Variants in YTHDC2 observed in about 807,000 individuals in gnomAD.
YTHDC2 encodes the protein 3'-5' RNA helicase YTHDC2.
A neutral mutation model predicts 174.9 loss-of-function variants in YTHDC2; 45 were observed. The ratio of observed to expected loss-of-function variants is 0.26; its 90% CI spans 0.20 to 0.33. The LOEUF (loss-of-function observed/expected upper bound fraction) is 0.33, where lower values mean the gene tolerates loss of function less well. YTHDC2 is among the 10% of genes least tolerant of loss of function. The pLI, the probability that YTHDC2 is intolerant of heterozygous loss-of-function variation, is 1.00. For synonymous variants in YTHDC2, 657 were observed against 574.5 expected (o/e 1.14, Z -2.05); for missense variants, 1,650 against 1,723.7 (o/e 0.96, Z 0.76).
intron 23 of YTHDC2, among the ~76,000 whole-genome samples, chr5:113,569,381 C>A (rs544075092): frequency 6.6e-6 from 1 of 152,182 alleles, no homozygotes; most frequent in South Asian, 2.1e-4. Flanking sequence ...GCTTTTGCTG[C>A]AATTGCTTTT....
chr5:113,554,928 C>T lies in YTHDC2; in HGVS notation c.2133+906C>T, dbSNP rs533884436. Among the ~76,000 whole-genome samples the T allele has an allele frequency of 2.6e-5, 4 of 151,556 alleles. No individual in the cohort carries two copies. In the Middle Eastern group the frequency reaches 0.01, roughly 397 times the overall value. ...TATCTATTTAGTGGATAAAAATGAT[C>T]GTTTTTAATGTGAAAAAAGTAATTG... On this transcript the variant is annotated intron_variant, in intron 16 of 29. Transcript: ENST00000161863.
chr5:113,567,396 T>C, intron 22 of YTHDC2, 99 bp downstream of exon 22: 1 of 534,288 alleles, frequency 1.9e-6, no homozygotes, highest in Non-Finnish European at 2.7e-6. Flanking sequence ...CTTTAAGAAA[T>C]TAATTAGTTA....
chr5:113,561,952 TTGTGGGTGTGTGTGTGTGTGTGTGTG>T (rs1561675780), intron 18 of YTHDC2, among the ~76,000 whole-genome samples: 1 of 102,534 alleles, frequency 9.8e-6, no homozygotes, highest in East Asian at 2.3e-4. Context: ...CCTCTATTAA[TTGTGGGTGTGTGTGTGTGTGTGTGTG>T]TGTGTGTGTG....
intron 21 of YTHDC2, 93 bp downstream of exon 21, chr5:113,566,112 T>A: frequency 7.6e-7 from 1 of 1,314,950 alleles, no homozygotes. Context: ...TGCCATCTAT[T>A]ATTTTTATGA....
chr5:113,580,847 T>C (rs1209309652), intron 24 of YTHDC2, among the ~76,000 whole-genome samples: 1 of 152,234 alleles, frequency 6.6e-6, no homozygotes, highest in East Asian at 1.9e-4. Flanking sequence ...ATTCTTTCTC[T>C]GTAGTCAGTC....
At chr5:113,566,141 C>T in intron 21 of YTHDC2, 122 bp downstream of exon 21, 1 of 1,129,452 alleles carries the variant, frequency 8.9e-7, no homozygotes, top group Admixed American at 2.8e-5. Flanking sequence ...TGTTGTGTAT[C>T]TTATATTCAT....
chr5:113,567,569 T>G (rs1777430398), intron 22 of YTHDC2, 85 bp from the exon 23 acceptor site: 2 of 1,195,972 alleles, frequency 1.7e-6, no homozygotes, highest in Admixed American at 5.9e-5. Flanking sequence ...TCTATTTCAT[T>G]GAGAGACTTT....
At position 113,514,149 on chromosome 5, in the gene YTHDC2, G is replaced by A; in HGVS notation, c.187+67G>A. On this transcript the variant is annotated intron_variant, in intron 1 of 29. Coordinates refer to ENST00000161863, the MANE Select transcript of YTHDC2 (RefSeq NM_022828.5). ...CCCCTCACCCCAGCGCCCCCCAAAC[G>A]GCGGCCCACCGAGTGATGGGGGTGC... is the stretch of plus-strand genomic sequence containing the variant. 7 of 1,541,954 alleles carry A rather than the reference G, an allele frequency of 4.5e-6. No homozygotes were observed. In the South Asian group the frequency reaches 8.3e-5, roughly 18 times the overall value.
Position 113,593,227 on chromosome 5 carries a change from A to G in YTHDC2, c.4213-76A>G, listed in dbSNP as rs1779098193. ...TTTAAAGTGATTTTCTTACATTTTTATCAGTGTAGGTTTTGGTCATTAAAA... is the reference window on the plus strand; with the variant it reads ...TTTAAAGTGATTTTCTTACATTTTTGTCAGTGTAGGTTTTGGTCATTAAAA... On this transcript the variant is annotated intron_variant, in intron 28 of 29. Coordinates refer to ENST00000161863, the MANE Select transcript of YTHDC2 (RefSeq NM_022828.5). The G allele has an allele frequency of 1.4e-5, 13 of 959,420 alleles. No homozygotes were observed. The South Asian group carries it at 1.9e-4, about 14-fold the overall frequency. The allele number at this position is 959,420 out of a possible 1,614,324, so 59.4% of individuals were successfully genotyped here.
At chr5:113,572,594 G>T (rs1489192477) in intron 23 of YTHDC2, among the ~76,000 whole-genome samples, 2 of 152,178 alleles carry the variant, frequency 1.3e-5, no homozygotes, top group Non-Finnish European at 2.9e-5. Context: ...TATTGTATGG[G>T]AGTCTAAATC....
chr5:113,585,961 G>A (rs989498833), intron 26 of YTHDC2, among the ~76,000 whole-genome samples: 6 of 151,846 alleles, frequency 4.0e-5, no homozygotes, highest in African/African-American at 9.7e-5. Context: ...GTACTAACTG[G>A]TACTAACATT....
At chr5:113,523,111 T>C (rs1364188655) in intron 2 of YTHDC2, among the ~76,000 whole-genome samples, 1 of 152,124 alleles carries the variant, frequency 6.6e-6, no homozygotes. Context: ...TCTACCACAG[T>C]GCCTGGCATA....
intron 9 of YTHDC2, among the ~76,000 whole-genome samples, chr5:113,541,720 T>C (rs1339034206): frequency 7.9e-5 from 12 of 152,146 alleles, no homozygotes; most frequent in Non-Finnish European, 1.5e-5. Flanking sequence ...TTTTAAAGAA[T>C]ATTTAAAAAT....
chr5:113,564,169 G>C, intron 20 of YTHDC2, 38 bp downstream of exon 20: 1 of 1,525,358 alleles, frequency 6.6e-7, no homozygotes, highest in Non-Finnish European at 8.8e-7. Flanking sequence ...AGACGTTGCT[G>C]GGTAAACACG....
chr5:113,529,794 A>G (rs892184189), intron 4 of YTHDC2, among the ~76,000 whole-genome samples: 20 of 151,774 alleles, frequency 1.3e-4, no homozygotes, highest in African/African-American at 4.6e-4. Context: ...TTTTTTGTTT[A>G]CTTTTTACCT....
At position 113,580,019 on chromosome 5, in the gene YTHDC2, G is replaced by A. The variant is rs74620368; in HGVS notation, c.3354+324G>A. On this transcript the variant is annotated intron_variant, in intron 24 of 29. Transcript: ENST00000161863. ...TTAAGTCTGAGATCAAGGTGCTGAC[G>A]TCGGTTGAGGGCTGCTGGACCCTGC... 3.9e-3 allele frequency: 3,143 copies of A among 804,272 alleles called. 88 individuals carry two copies. In the African/African-American group the frequency reaches 0.055, roughly 14 times the overall value. The allele number at this position is 804,272 out of a possible 1,614,324, so 49.8% of individuals were successfully genotyped here.
At chr5:113,553,139 A>C in intron 12 of YTHDC2, 42 bp from the exon 13 acceptor site, 1 of 1,442,708 alleles carries the variant, frequency 6.9e-7, no homozygotes, top group Non-Finnish European at 9.1e-7. Flanking sequence ...TACTTTTGTT[A>C]ATGGAAATTG....
intron 23 of YTHDC2, among the ~76,000 whole-genome samples, chr5:113,569,128 T>G (rs1274112771): frequency 6.6e-6 from 1 of 152,224 alleles, no homozygotes; most frequent in African/African-American, 2.4e-5. Context: ...TTCATATGTT[T>G]GTTGGCCACA....
At chr5:113,538,828 A>G (rs922499251) in intron 7 of YTHDC2, among the ~76,000 whole-genome samples, 3 of 152,166 alleles carry the variant, frequency 2.0e-5, no homozygotes, top group Non-Finnish European at 4.4e-5. Context: ...TACAAATGAT[A>G]TTGATGCCAG....
Sources: allele counts gnomAD v4.1 joint callset (sites outside exome capture counted in the v4.1 genomes callset), GRCh38; gene constraint gnomAD v4.1.1; transcripts MANE v1.5; gene names NCBI Gene and HGNC (gene_info 2026-07-23, HGNC 2026-07-21).